Variants in KLHL1 observed in about 807,000 individuals in gnomAD.
KLHL1 encodes kelch-like protein 1.
In KLHL1, 47 loss-of-function variants were observed where a neutral mutation model predicts 77.7. That is an observed-to-expected ratio of 0.60 (90% CI 0.48 to 0.77). The LOEUF is 0.77. KLHL1 is among the 30% of genes least tolerant of loss of function. The probability of loss-of-function intolerance (pLI) is 0.00; values close to 1 mark genes in which losing one functional copy is unlikely to be tolerated. For synonymous variants in KLHL1, 360 were observed against 325.2 expected, an observed-to-expected ratio of 1.11 and a Z score of -1.15; for missense variants, 925 against 910.8, an observed-to-expected ratio of 1.02 and a Z score of -0.20.
intron 1 of KLHL1, among the ~76,000 whole-genome samples, chr13:70,006,887 C>A (rs1885420310): frequency 6.6e-6 from 1 of 151,880 alleles, no homozygotes; most frequent in Non-Finnish European, 1.5e-5. Context: ...AATAATCATA[C>A]AATGTTTTTA....
chr13:69,726,005 G>C (rs1037948938), intron 8 of KLHL1, among the ~76,000 whole-genome samples: 1 of 152,092 alleles, frequency 6.6e-6, no homozygotes, highest in Non-Finnish European at 1.5e-5. Context: ...CCACTAGAAA[G>C]TCTTTTCTGA....
intron 1 of KLHL1, among the ~76,000 whole-genome samples, chr13:70,032,884 A>AT (rs957717278): frequency 6.6e-6 from 1 of 152,208 alleles, no homozygotes; most frequent in Non-Finnish European, 1.5e-5. Context: ...CAGTTTTGCC[A>AT]TTTTTTTATG....
intron 7 of KLHL1, among the ~76,000 whole-genome samples, chr13:69,751,939 C>A (rs769201167): frequency 6.6e-6 from 1 of 152,050 alleles, no homozygotes; most frequent in Non-Finnish European, 1.5e-5. Context: ...TGCTTACACT[C>A]CTCCCTCATC....
chr13:69,712,367 A>G (rs917641576), intron 9 of KLHL1, among the ~76,000 whole-genome samples: 1 of 151,948 alleles, frequency 6.6e-6, no homozygotes, highest in Non-Finnish European at 1.5e-5. Flanking sequence ...TTAATGTGAT[A>G]TGCAATAGAG....
At position 69,975,810 on chromosome 13, in the gene KLHL1, CCACACACA is replaced by C. The variant is rs144583054; in HGVS notation, c.498-16_498-9del. 25 of 1,515,844 alleles carry C rather than the reference CCACACACA, an allele frequency of 1.6e-5. No homozygotes were observed. The highest frequency in any genetic ancestry group is 2.1e-5 in the Non-Finnish European group (24 of 1,116,958). 93.9% of individuals were successfully genotyped at this position (1,515,844 alleles called of 1,614,324 possible). On this transcript the variant is annotated splice_polypyrimidine_tract_variant and intron_variant, in intron 1 of 10. Transcript: ENST00000377844. The stretch of plus-strand genomic sequence containing the variant: ...TGGCCGGTTGATGACAGCCTATAAA[CCACACACA>C]CACACACACACACACAAAATAATAA...
chr13:69,862,234 A>G (rs1443558152), intron 5 of KLHL1, among the ~76,000 whole-genome samples: 5 of 152,062 alleles, frequency 3.3e-5, no homozygotes, highest in South Asian at 4.1e-4. Context: ...TAGAGGGAAT[A>G]CAGTTCCCAT....
At chr13:69,968,432 G>A (rs1884282054) in intron 2 of KLHL1, among the ~76,000 whole-genome samples, 1 of 149,964 alleles carries the variant, frequency 6.7e-6, no homozygotes, top group Non-Finnish European at 1.5e-5. Flanking sequence ...ACTTCATTAT[G>A]GTAGTCTAGA....
Position 69,701,600 on chromosome 13 carries a change from G to A in KLHL1, c.*102C>T. On this transcript the variant is annotated 3_prime_UTR_variant, in exon 11 of 11. Coordinates refer to ENST00000377844, the MANE Select transcript of KLHL1 (RefSeq NM_020866.3). ...AGTAGGTAACGCTACAGAGATCCTT[G>A]TTCTTGAAGAGTTTTCATCTCTGGA... 1.3e-6 allele frequency: 1 copy of A among 776,990 alleles called. No homozygotes were observed. The highest frequency in any genetic ancestry group is 2.2e-6 in the Non-Finnish European group (1 of 459,582). The allele number at this position is 776,990 out of a possible 1,614,324, so 48.1% of individuals were successfully genotyped here. A position where few individuals can be genotyped will look rare whatever the true frequency, so the allele number is the denominator to read the frequency against.
intron 3 of KLHL1, among the ~76,000 whole-genome samples, chr13:69,942,138 T>C (rs1254174314): frequency 6.6e-6 from 1 of 151,974 alleles, no homozygotes; most frequent in Non-Finnish European, 1.5e-5. Context: ...CTTCTAAATT[T>C]GACTAAAGCT....
At chr13:69,794,492 G>C (rs1877014677) in intron 7 of KLHL1, among the ~76,000 whole-genome samples, 1 of 149,920 alleles carries the variant, frequency 6.7e-6, no homozygotes, top group Non-Finnish European at 1.5e-5. Flanking sequence ...TTAGAAAGAA[G>C]AGCAGGAAAG....
intron 1 of KLHL1, among the ~76,000 whole-genome samples, chr13:69,982,557 G>A (rs367929072): frequency 1.6e-4 from 24 of 150,404 alleles, no homozygotes; most frequent in African/African-American, 4.4e-4. Context: ...AAGAGAGAAC[G>A]AAAGTAAGAA....
intron 4 of KLHL1, among the ~76,000 whole-genome samples, chr13:69,919,038 T>C (rs1322882585): frequency 1.3e-5 from 2 of 152,196 alleles, no homozygotes; most frequent in Admixed American, 6.6e-5. Context: ...CCTGGTTGTA[T>C]GTATCTGAAA....
chr13:70,022,599 ATTT>A (rs67356407), intron 1 of KLHL1, among the ~76,000 whole-genome samples: 128,720 of 151,532 alleles, frequency 0.85, 55,038 homozygotes, highest in East Asian at 0.92. Context: ...TTGTTTTTAA[ATTT>A]TTACTATTTA....
intron 1 of KLHL1, among the ~76,000 whole-genome samples, chr13:69,988,091 G>GGA (rs1884924861): frequency 1.3e-5 from 2 of 151,012 alleles, no homozygotes; most frequent in African/African-American, 4.9e-5. Context: ...CTTTTTTTTG[G>GGA]CGGGGGGAAC....
chr13:70,001,701 T>A (rs901852309), intron 1 of KLHL1, among the ~76,000 whole-genome samples: 5 of 136,240 alleles, frequency 3.7e-5, no homozygotes, highest in Admixed American at 1.5e-4. Flanking sequence ...ATCTATCATC[T>A]TTCTACTATC....
chr13:69,855,339 G>GATCT (rs1566329558), intron 5 of KLHL1, among the ~76,000 whole-genome samples: 64 of 78,324 alleles, frequency 8.2e-4, no homozygotes, highest in African/African-American at 1.5e-3. Flanking sequence ...TAGATAGATA[G>GATCT]ATAGATAGAC....
chr13:69,813,180 T>C (rs1473307529), intron 6 of KLHL1, among the ~76,000 whole-genome samples: 1 of 152,026 alleles, frequency 6.6e-6, no homozygotes, highest in Non-Finnish European at 1.5e-5. Context: ...TGTAGGGACA[T>C]GGATGAAGCT....
At chr13:70,075,730 T>C (rs892449556) in intron 1 of KLHL1, among the ~76,000 whole-genome samples, 1 of 132,124 alleles carries the variant, frequency 7.6e-6, no homozygotes, top group African/African-American at 2.8e-5. Context: ...TACACACACA[T>C]AGGTGTATAT....
At chr13:69,908,572 G>T (rs963604992) in intron 4 of KLHL1, among the ~76,000 whole-genome samples, 2 of 148,686 alleles carry the variant, frequency 1.3e-5, no homozygotes, top group Admixed American at 6.8e-5. Flanking sequence ...AAATATAAAA[G>T]ATTCATTTAT....
Sources: allele counts gnomAD v4.1 joint callset (sites outside exome capture counted in the v4.1 genomes callset), GRCh38; gene constraint gnomAD v4.1.1; transcripts MANE v1.5; gene names NCBI Gene and HGNC (gene_info 2026-07-23, HGNC 2026-07-21).